Variants in NAV2 observed in about 807,000 individuals in gnomAD.
NAV2 encodes neuron navigator 2, also known as helicase, APC down-regulated 1.
A neutral mutation model predicts 223.2 loss-of-function variants in NAV2; 54 were observed. The observed-to-expected ratio is 0.24, with a 90% confidence interval of 0.19 to 0.30. The LOEUF (loss-of-function observed/expected upper bound fraction) is 0.30, where lower values mean the gene tolerates loss of function less well. Among genes scored for constraint, NAV2 ranks in the 10% least tolerant of loss-of-function variants. The pLI is 1.00. For missense variants in NAV2, 2,806 were observed against 3,147.5 expected, an observed-to-expected ratio of 0.89 and a Z score of 2.60; for synonymous variants, 1,279 against 1,239.3, an observed-to-expected ratio of 1.03 and a Z score of -0.67.
chr11:20,077,656 T>G, intron 23 of NAV2, 21 bp downstream of exon 23: 1 of 1,576,894 alleles, frequency 6.3e-7, no homozygotes, highest in Non-Finnish European at 8.7e-7. Flanking sequence ...AAGGATACTT[T>G]AACCCTCCCT....
At chr11:19,473,611 C>G (rs1412082980) in intron 1 of NAV2, among the ~76,000 whole-genome samples, 1 of 152,080 alleles carries the variant, frequency 6.6e-6, no homozygotes, top group Non-Finnish European at 1.5e-5. Flanking sequence ...CAATCAGAAC[C>G]CAGTGTCATG....
At chr11:19,981,759 A>G (rs1338433390) in intron 10 of NAV2, among the ~76,000 whole-genome samples, 1 of 152,200 alleles carries the variant, frequency 6.6e-6, no homozygotes, top group South Asian at 2.1e-4. Flanking sequence ...TGCTACCTGT[A>G]GGATGGATGC....
At chr11:19,926,526 C>T (rs1565572433) in intron 6 of NAV2, among the ~76,000 whole-genome samples, 1 of 151,892 alleles carries the variant, frequency 6.6e-6, no homozygotes, top group Non-Finnish European at 1.5e-5. Flanking sequence ...CTAAGTGGAT[C>T]GAGACAGGTT....
chr11:19,619,610 T>C (rs1295983696), intron 1 of NAV2, among the ~76,000 whole-genome samples: 1 of 152,228 alleles, frequency 6.6e-6, no homozygotes. Flanking sequence ...TGGGGTTGTT[T>C]GAATTTTTCT....
chr11:19,413,615 C>T (rs3110085), intron 1 of NAV2, among the ~76,000 whole-genome samples: 100,425 of 151,896 alleles, frequency 0.66, 33,598 homozygotes, highest in South Asian at 0.72. Flanking sequence ...CCCCAAAACA[C>T]ATAATCATCA....
In NAV2 at chr11:20,114,145, A is replaced by G. The variant is rs576298567; in HGVS notation, c.6961-447A>G. Reference sequence around the variant, plus strand: ...AATGGAGTACTAGAGCTGGCTCTTGAAAGCTGATAGCACCTTTTTCCAACT... The same window carrying G: ...AATGGAGTACTAGAGCTGGCTCTTGGAAGCTGATAGCACCTTTTTCCAACT... On this transcript the variant is annotated intron_variant, in intron 36 of 37. Coordinates refer to ENST00000349880, the MANE Select transcript of NAV2 (RefSeq NM_145117.5). Among the ~76,000 whole-genome samples the G allele has an allele frequency of 2.8e-4, 42 of 152,342 alleles. No homozygotes were observed. In the South Asian group the frequency reaches 5.8e-3, roughly 21 times the overall value.
intron 1 of NAV2, among the ~76,000 whole-genome samples, chr11:19,734,237 C>T (rs542488301): frequency 6.6e-6 from 1 of 152,220 alleles, no homozygotes; most frequent in East Asian, 1.9e-4. Context: ...AAGTTATGAC[C>T]TGACTAGGAA....
chr11:19,906,880 TCTCTGCTTTCTCTTTCCCACACCAA>T (rs2042908786), intron 6 of NAV2, among the ~76,000 whole-genome samples: 1 of 152,158 alleles, frequency 6.6e-6, no homozygotes, highest in East Asian at 1.9e-4. Context: ...GGCCTACACT[TCTCTGCTTTCTCTTTCCCACACCAA>T]CTGGCAAAAG....
chr11:19,736,157 A>G (rs1218933759), intron 1 of NAV2, among the ~76,000 whole-genome samples: 1 of 152,266 alleles, frequency 6.6e-6, no homozygotes, highest in East Asian at 1.9e-4. Context: ...CCCTCTCTAT[A>G]GCAACTAGCT....
chr11:19,890,925 C>T lies in NAV2; in HGVS notation c.771-1509C>T, dbSNP rs183750010. ...GTAAATTAACCAAGGTACAAATCCT[C>T]GCAGCACAGTGGGAAGTAATTCTCA... On this transcript the variant is annotated intron_variant, in intron 5 of 37. Transcript: ENST00000349880. Among the ~76,000 whole-genome samples, 172 of 152,274 alleles carry T rather than the reference C, an allele frequency of 1.1e-3. 1 individual carries two copies. Among genetic ancestry groups the T allele is most frequent in the Non-Finnish European group, 2.1e-3 (144 of 68,024 alleles).
intron 1 of NAV2, among the ~76,000 whole-genome samples, chr11:19,771,374 C>T (rs1208060470): frequency 1.3e-5 from 2 of 152,062 alleles, no homozygotes; most frequent in Non-Finnish European, 2.9e-5. Flanking sequence ...GAGAATTCAC[C>T]AGCAGTTAGT....
chr11:19,426,245 G>C (rs1850820633), intron 1 of NAV2, among the ~76,000 whole-genome samples: 1 of 152,110 alleles, frequency 6.6e-6, no homozygotes, highest in Non-Finnish European at 1.5e-5. Flanking sequence ...GTAAAGTGTT[G>C]TTTCTTCCCC....
chr11:19,673,598 C>T lies in NAV2; in HGVS notation c.76-158886C>T, dbSNP rs1378926833. 1.1e-4 allele frequency among the ~76,000 whole-genome samples: 16 copies of T among 152,298 alleles called. No homozygotes were observed. The East Asian group carries it at 1.5e-3, about 15-fold the overall frequency. On this transcript the variant is annotated intron_variant, in intron 1 of 37. Coordinates refer to the NAV2 transcript ENST00000360655. ...AATTGAGGTGTTAATTGGGGAGGAACAGAAGACATTAAGTGGCACATTAGT... is the reference window on the plus strand; with the variant it reads ...AATTGAGGTGTTAATTGGGGAGGAATAGAAGACATTAAGTGGCACATTAGT...
chr11:19,784,388 TAAAAAAAAAA>T (rs1162911472), intron 1 of NAV2, among the ~76,000 whole-genome samples: 10 of 50,962 alleles, frequency 2.0e-4, no homozygotes, highest in African/African-American at 7.3e-4. Flanking sequence ...AGCTCCATCT[TAAAAAAAAAA>T]AAAAAAAAAA....
chr11:20,109,990 C>T (rs2153716454), intron 36 of NAV2, among the ~76,000 whole-genome samples: 1 of 152,324 alleles, frequency 6.6e-6, no homozygotes, highest in Admixed American at 6.5e-5. Flanking sequence ...GCTTTCTGGG[C>T]ATGGCTGGAA....
At chr11:19,750,539 A>G (rs938920017) in intron 1 of NAV2, among the ~76,000 whole-genome samples, 4 of 152,168 alleles carry the variant, frequency 2.6e-5, no homozygotes, top group Admixed American at 6.5e-5. Context: ...GGCTAACTCT[A>G]TCCCACCTTC....
chr11:19,905,822 A>T (rs2042819334), intron 6 of NAV2, among the ~76,000 whole-genome samples: 1 of 152,126 alleles, frequency 6.6e-6, no homozygotes, highest in African/African-American at 2.4e-5. Flanking sequence ...ACCTTCCAAC[A>T]CAAGTAGTGT....
rs188675029 is a variant in NAV2, at chr11:19,968,940, G to T, written c.2646-15185G>T. Among the ~76,000 whole-genome samples, 3 of 152,158 alleles carry T rather than the reference G, an allele frequency of 2.0e-5. No individual in the cohort carries two copies. In the East Asian group the frequency reaches 5.8e-4, roughly 29 times the overall value. ...CCGCCTTGGCTTCTCCTTGTCCGCA[G>T]GCTGGCTGGGTTGCCTGGGTGCTTG... On this transcript the variant is annotated intron_variant, in intron 10 of 37. Transcript: ENST00000349880.
Position 20,097,750 on chromosome 11 carries a change from T to G in NAV2, c.6181+5T>G. 6.4e-7 allele frequency: 1 copy of G among 1,574,438 alleles called. No individual in the cohort carries two copies. Among genetic ancestry groups the G allele is most frequent in the South Asian group, 1.2e-5 (1 of 85,390 alleles). ...CCATCTCAGTGACTGTGAAAGGTAA[T>G]TGAGCTTGTTGCAGAAGTCGGAGCT... On this transcript the variant is annotated splice_donor_5th_base_variant and intron_variant, in intron 31 of 37. Transcript: ENST00000349880.
Sources: allele counts gnomAD v4.1 joint callset (sites outside exome capture counted in the v4.1 genomes callset), GRCh38; gene constraint gnomAD v4.1.1; transcripts MANE v1.5; gene names NCBI Gene and HGNC (gene_info 2026-07-23, HGNC 2026-07-21).